Variants in CFTR observed in about 807,000 individuals in gnomAD.
CFTR encodes CF transmembrane conductance regulator.
In CFTR, 181 loss-of-function variants were observed where a neutral mutation model predicts 171.6. That is an observed-to-expected ratio of 1.05 (90% CI 0.93 to 1.19). CFTR has a LOEUF of 1.19. CFTR is among the 50% of genes most tolerant of loss of function. The pLI is 0.00. For missense variants in CFTR, 1,968 were observed against 1,734.7 expected, an observed-to-expected ratio of 1.13 and a Z score of -2.39; for synonymous variants, 583 against 608.0, an observed-to-expected ratio of 0.96 and a Z score of 0.60.
chr7:117,595,154 TATATAC>T, intron 15 of CFTR, 96 bp downstream of exon 15: 3 of 954,120 alleles, frequency 3.1e-6, no homozygotes, highest in Non-Finnish European at 5.0e-6. Flanking sequence ...TAAATATGTA[TATATAC>T]ACATGTATAC....
rs1384524504 is a variant in CFTR at position 117,603,595 on chromosome 7, C to T, written c.2721C>T (p.Ile907=). The change falls in exon 17 of 27, where the codon ATC becomes ATT. Residue 907 remains isoleucine, a synonymous_variant. Transcript: ENST00000003084. ...GAAATAACAGCTATGCAGTGATTAT[C>T]ACCAGCACCAGTTCGTATTATGTGT... is the stretch of plus-strand genomic sequence containing the variant. ...HSRNNSYAVI[I]TSTSSYYVFY... 6.2e-7 allele frequency: 1 copy of T among 1,613,922 alleles called. No individual in the cohort carries two copies. Among genetic ancestry groups the T allele is most frequent in the Non-Finnish European group, 8.5e-7 (1 of 1,179,850 alleles).
At chr7:117,609,761 A>T (rs994361450) in intron 18 of CFTR, among the ~76,000 whole-genome samples, 2 of 152,206 alleles carry the variant, frequency 1.3e-5, no homozygotes, top group African/African-American at 2.4e-5. Context: ...TACTAAAATT[A>T]TTTAAAAATA....
chr7:117,535,761 TG>T (rs1464350400), intron 6 of CFTR, among the ~76,000 whole-genome samples: 1 of 152,090 alleles, frequency 6.6e-6, no homozygotes, highest in Non-Finnish European at 1.5e-5. Context: ...CTCGAATGCC[TG>T]ACCTCAGGTG....
chr7:117,511,852 A>G (rs1275665126), intron 3 of CFTR, among the ~76,000 whole-genome samples: 1 of 152,188 alleles, frequency 6.6e-6, no homozygotes, highest in Non-Finnish European at 1.5e-5. Flanking sequence ...CTCTTATAAG[A>G]ATAAAAGGGG....
At chr7:117,548,900 G>A in intron 10 of CFTR, 77 bp downstream of exon 10, 3 of 1,543,304 alleles carry the variant, frequency 1.9e-6, no homozygotes, top group Non-Finnish European at 1.7e-6. Flanking sequence ...TGTAGTGCTG[G>A]AAGGTATTTT....
At chr7:117,524,171 A>G (rs1309499164) in intron 3 of CFTR, among the ~76,000 whole-genome samples, 1 of 152,196 alleles carries the variant, frequency 6.6e-6, no homozygotes, top group Non-Finnish European at 1.5e-5. Flanking sequence ...TGATATAAAG[A>G]ATTGACTTTA....
At chr7:117,559,379 A>G (rs1796281892) in intron 10 of CFTR, 85 bp from the exon 11 acceptor site, 5 of 875,628 alleles carry the variant, frequency 5.7e-6, no homozygotes, top group Non-Finnish European at 9.7e-6. Context: ...AAGAATATAC[A>G]CTTCTGCTTA....
At chr7:117,595,588 G>A (rs1456937339) in intron 15 of CFTR, among the ~76,000 whole-genome samples, 1 of 151,782 alleles carries the variant, frequency 6.6e-6, no homozygotes, top group Non-Finnish European at 1.5e-5. Context: ...GCTTTTATTT[G>A]GATTGAAATT....
chr7:117,612,031 A>ATATATATATATATATATG (rs1792406373), intron 20 of CFTR, among the ~76,000 whole-genome samples: 1 of 75,118 alleles, frequency 1.3e-5, no homozygotes, highest in Non-Finnish European at 2.8e-5. Flanking sequence ...ATGTATATAT[A>ATATATATATATATATATG]TATATATATA....
At chr7:117,581,719 G>A (rs1042632012) in intron 11 of CFTR, among the ~76,000 whole-genome samples, 1 of 151,996 alleles carries the variant, frequency 6.6e-6, no homozygotes, top group Non-Finnish European at 1.5e-5. Flanking sequence ...TACTACTCAT[G>A]TTTTGTATTT....
chr7:117,626,730 T>C (rs1277578727), intron 21 of CFTR, among the ~76,000 whole-genome samples: 1 of 152,100 alleles, frequency 6.6e-6, no homozygotes, highest in East Asian at 1.9e-4. Context: ...AAGTTGTTTT[T>C]AAAATCACAT....
chr7:117,657,254 A>T (rs1793197602), intron 24 of CFTR, among the ~76,000 whole-genome samples: 1 of 152,196 alleles, frequency 6.6e-6, no homozygotes, highest in Non-Finnish European at 1.5e-5. Context: ...AATACAATGC[A>T]AAATTTTTAC....
chr7:117,612,038 T>TATATATATATATATATAC (rs1792409879), intron 20 of CFTR, among the ~76,000 whole-genome samples: 1 of 77,582 alleles, frequency 1.3e-5, no homozygotes, highest in Non-Finnish European at 2.7e-5. Flanking sequence ...TATATATATA[T>TATATATATATATATATAC]ATATATATAT....
chr7:117,627,398 G>A (rs997356061), intron 21 of CFTR, 124 bp from the exon 22 acceptor site: 16 of 1,023,282 alleles, frequency 1.6e-5, no homozygotes, highest in South Asian at 2.8e-5. Context: ...TGAAAAGCCC[G>A]ACAAATAACC....
intron 24 of CFTR, among the ~76,000 whole-genome samples, chr7:117,664,469 T>C (rs1025567960): frequency 6.6e-6 from 1 of 152,190 alleles, no homozygotes; most frequent in Non-Finnish European, 1.5e-5. Context: ...TCCTAATGAA[T>C]GAAGTACAAA....
intron 11 of CFTR, among the ~76,000 whole-genome samples, chr7:117,580,000 G>T (rs1791826853): frequency 6.6e-6 from 1 of 151,780 alleles, no homozygotes; most frequent in Non-Finnish European, 1.5e-5. Flanking sequence ...AGGTTGGGTA[G>T]TACTTTTCAA....
intron 11 of CFTR, among the ~76,000 whole-genome samples, chr7:117,581,998 C>T (rs181141983): frequency 1.3e-5 from 2 of 152,184 alleles, no homozygotes; most frequent in Non-Finnish European, 2.9e-5. Flanking sequence ...TCCAGCGATT[C>T]ACCTGCCTTG....
At chr7:117,637,037 G>A (rs1792837148) in intron 22 of CFTR, among the ~76,000 whole-genome samples, 1 of 151,942 alleles carries the variant, frequency 6.6e-6, no homozygotes, top group Non-Finnish European at 1.5e-5. Flanking sequence ...GGCGGGTCTT[G>A]AACTCCTAAC....
chr7:117,509,490 A>G (rs1046509410), intron 3 of CFTR, among the ~76,000 whole-genome samples: 1 of 152,186 alleles, frequency 6.6e-6, no homozygotes, highest in Non-Finnish European at 1.5e-5. Context: ...GTCAGGAGAC[A>G]ATGTCAGCAG....
Sources: allele counts gnomAD v4.1 joint callset (sites outside exome capture counted in the v4.1 genomes callset), GRCh38; gene constraint gnomAD v4.1.1; transcripts MANE v1.5; gene names NCBI Gene and HGNC (gene_info 2026-07-23, HGNC 2026-07-21).